GLI4: variants seen among roughly 807,000 people sequenced by gnomAD.
GLI4 encodes the protein zinc finger protein GLI4.
A neutral mutation model predicts 30.9 loss-of-function variants in GLI4; 34 were observed. The ratio of observed to expected loss-of-function variants is 1.10; its 90% CI spans 0.84 to 1.47. The LOEUF (loss-of-function observed/expected upper bound fraction) is 1.47, where lower values mean the gene tolerates loss of function less well. Ranked by LOEUF, GLI4 falls within the 40% of genes most tolerant of loss-of-function variation. The probability of loss-of-function intolerance (pLI) is 0.00; values close to 1 mark genes in which losing one functional copy is unlikely to be tolerated. For missense variants in GLI4, 696 were observed against 538.9 expected (o/e 1.29, Z -2.89); for synonymous variants, 277 against 236.7 (o/e 1.17, Z -1.56).
Position 143,276,431 on chromosome 8 carries a change from A to G in GLI4, c.758A>G (p.His253Arg). ...GGCCGCGCCTTCAGCCACAGCTCGC[A>G]CTTCACGCAGCACCTGCGCATCCAC... ...QCGRAFSHSS[H>R]FTQHLRIHNG... Residue 253 changes from histidine (H) to arginine (R), a missense_variant, in exon 4 of 4, where the codon CAC becomes CGC. Coordinates refer to ENST00000340042, the MANE Select transcript of GLI4 (RefSeq NM_138465.4). 1 of 1,611,970 alleles carries G rather than the reference A, an allele frequency of 6.2e-7. No homozygotes were observed. Among genetic ancestry groups the G allele is most frequent in the Non-Finnish European group, 8.5e-7 (1 of 1,179,548 alleles).
chr8:143,269,523 A>T lies in GLI4; in HGVS notation c.124+3A>T. On this transcript the variant is annotated splice_donor_region_variant and intron_variant, in intron 2 of 3. Transcript: ENST00000340042. ...TCACCTCCATGGGCATCAACATGGT[A>T]CTCACCCAGCCCGCTGTGCGCCCTC... 6.2e-7 allele frequency: 1 copy of T among 1,610,746 alleles called. No individual in the cohort carries two copies.
chr8:143,275,176 C>G, intron 3 of GLI4: 1 of 1,535,822 alleles, frequency 6.5e-7, no homozygotes, highest in Admixed American at 2.0e-5. Context: ...GTGTCCCCTC[C>G]TCCTCCTGCA....
intron 2 of GLI4, among the ~76,000 whole-genome samples, chr8:143,272,648 C>G (rs1815295422): frequency 6.6e-6 from 1 of 152,188 alleles, no homozygotes; most frequent in Admixed American, 6.5e-5. Flanking sequence ...CCTGGCACAG[C>G]CTGGGCACAG....
intron 3 of GLI4, chr8:143,275,248 C>G: frequency 6.6e-6 from 10 of 1,525,062 alleles, no homozygotes; most frequent in Non-Finnish European, 8.8e-6. Context: ...GCACCTCCCC[C>G]TTGAGAAGCT....
In GLI4 at chr8:143,276,859, C is replaced by T. The variant is rs75791923; in HGVS notation, c.*55C>T. ...ACCTGCCCCCAACCCACCCTCCACCCCGTCCCCCACGGTGGGCACTGCCCA... is the reference window on the plus strand; with the variant it reads ...ACCTGCCCCCAACCCACCCTCCACCTCGTCCCCCACGGTGGGCACTGCCCA... On this transcript the variant is annotated 3_prime_UTR_variant, in exon 4 of 4. Coordinates refer to ENST00000340042, the MANE Select transcript of GLI4 (RefSeq NM_138465.4). 2.9e-3 allele frequency: 3,372 copies of T among 1,143,274 alleles called. 138 individuals are homozygous for T. In the East Asian group the frequency reaches 0.076, roughly 26 times the overall value. The allele number at this position is 1,143,274 out of a possible 1,614,324, so 70.8% of individuals were successfully genotyped here. A position where few individuals can be genotyped will look rare whatever the true frequency, so the allele number is the denominator to read the frequency against.
chr8:143,267,619 T>C, intron 1 of GLI4, 135 bp downstream of exon 1: 4 of 985,464 alleles, frequency 4.1e-6, no homozygotes, highest in Non-Finnish European at 4.8e-6. Flanking sequence ...CGCCGTGACC[T>C]TGGCCTTGGG....
chr8:143,276,311 G>A lies in GLI4; in HGVS notation c.638G>A (p.Cys213Tyr), dbSNP rs773782882. The A allele has an allele frequency of 3.7e-6, 6 of 1,611,888 alleles. No homozygotes were observed. In the South Asian group the frequency reaches 4.4e-5, roughly 12 times the overall value. ...CACACGGGCGAGAAGCCCTACGCCT[G>A]CCACGAGTGCGGCAAGCGCTTCCGC... ...RIHTGEKPYA[C>Y]HECGKRFRGW... The change falls in exon 4 of 4, where the codon TGC (cysteine) becomes TAC (tyrosine). Residue 213 changes from cysteine (C) to tyrosine (Y), a missense_variant. Physicochemically the swap from Cys to Tyr is radical, Grantham distance 194 (BLOSUM62 -2). Transcript: ENST00000340042.
rs978039322 is a variant in GLI4 at position 143,276,892 on chromosome 8, A to T, written c.*88A>T. ...CACGGTGGGCACTGCCCAGCACCGCATGCCACGTGTCCGGAATAAATTCTT... is the reference window on the plus strand; with the variant it reads ...CACGGTGGGCACTGCCCAGCACCGCTTGCCACGTGTCCGGAATAAATTCTT... On this transcript the variant is annotated 3_prime_UTR_variant, in exon 4 of 4. Coordinates refer to ENST00000340042, the MANE Select transcript of GLI4 (RefSeq NM_138465.4). The T allele has an allele frequency of 1.3e-6, 1 of 790,922 alleles. No individual in the cohort carries two copies. Among genetic ancestry groups the T allele is most frequent in the Admixed American group, 2.9e-5 (1 of 34,130 alleles). The allele number at this position is 790,922 out of a possible 1,614,324, so 49.0% of individuals were successfully genotyped here. A position where few individuals can be genotyped will look rare whatever the true frequency, so the allele number is the denominator to read the frequency against.
At position 143,269,606 on chromosome 8, in the gene GLI4, T is replaced by A. The variant is rs530477571; in HGVS notation, c.124+86T>A. 5 of 1,170,454 alleles carry A rather than the reference T, an allele frequency of 4.3e-6. No individual in the cohort carries two copies. In the Admixed American group the frequency reaches 5.4e-5, roughly 13 times the overall value. The allele number at this position is 1,170,454 out of a possible 1,614,324, so 72.5% of individuals were successfully genotyped here. A position where few individuals can be genotyped will look rare whatever the true frequency, so the allele number is the denominator to read the frequency against. On this transcript the variant is annotated intron_variant, in intron 2 of 3. Transcript: ENST00000340042. ...CCTGTCTCCTCCTGACCTGCCACGCTGGCTGACTTGAGAGGCGCCTCCAGA... is the reference window on the plus strand; with the variant it reads ...CCTGTCTCCTCCTGACCTGCCACGCAGGCTGACTTGAGAGGCGCCTCCAGA...
At position 143,276,397 on chromosome 8, in the gene GLI4, GGCCAGTGCGGCC is replaced by G; in HGVS notation, c.727_738del (p.Gln243_Arg246del). 1 of 1,608,602 alleles carries G rather than the reference GGCCAGTGCGGCC, an allele frequency of 6.2e-7. No homozygotes were observed. The highest frequency in any genetic ancestry group is 8.5e-7 in the Non-Finnish European group (1 of 1,178,586). ...CACGGGCGAGAAGCCCTACGAGTGC[GGCCAGTGCGGCC>G]GCGCCTTCAGCCACAGCTCGCACTT... On this transcript the variant is annotated inframe_deletion, in exon 4 of 4. Transcript: ENST00000340042.
chr8:143,271,036 C>G (rs1411718697), intron 2 of GLI4, among the ~76,000 whole-genome samples: 2 of 152,134 alleles, frequency 1.3e-5, no homozygotes, highest in African/African-American at 4.8e-5. Flanking sequence ...GAAAGCCAGG[C>G]ATGAGTCCCC....
In GLI4 at chr8:143,276,544, G is replaced by C. The variant is rs776047807; in HGVS notation, c.871G>C (p.Gly291Arg). 3.7e-6 allele frequency: 6 copies of C among 1,612,394 alleles called. No individual in the cohort carries two copies. The African/African-American group carries it at 8.0e-5, about 22-fold the overall frequency. Residue 291 changes from glycine to arginine, a missense_variant, in exon 4 of 4, where the codon GGT becomes CGT. By Grantham distance (125) the Gly-to-Arg change is moderately radical. Transcript: ENST00000340042. Reference protein sequence around the residue: ...NLVRHQRLHTGEKPYACSQCG... With the variant: ...NLVRHQRLHTREKPYACSQCG... ...GGTGCGCCACCAGCGGCTGCACACGGGTGAGAAGCCCTACGCCTGCAGCCA... is the reference window on the plus strand; with the variant it reads ...GGTGCGCCACCAGCGGCTGCACACGCGTGAGAAGCCCTACGCCTGCAGCCA...
rs1480173172 is a variant in GLI4, at chr8:143,269,403, G to A, written c.7G>A (p.Ala3Thr). MAALGDIQESPSV... is the reference protein window; with the variant it reads MATLGDIQESPSV... ...TCAGCAGGTCTCAGGGAAGATGGCA[G>A]CCCTAGGGGACATTCAGGAGTCCCC... The change falls in exon 2 of 4, where the codon GCC (alanine) becomes ACC (threonine). Residue 3 changes from alanine (A) to threonine (T), a missense_variant. Ala to Thr is a moderately conservative substitution (Grantham distance 58). Coordinates refer to ENST00000340042, the MANE Select transcript of GLI4 (RefSeq NM_138465.4). The A allele has an allele frequency of 3.7e-6, 6 of 1,611,550 alleles. No homozygotes were observed. The highest frequency in any genetic ancestry group is 5.1e-6 in the Non-Finnish European group (6 of 1,178,360).
rs201963714 is a variant in GLI4, at chr8:143,269,536, G to A, written c.124+16G>A. The A allele has an allele frequency of 1.4e-5, 22 of 1,606,562 alleles. No homozygotes were observed. The highest frequency in any genetic ancestry group is 6.6e-5 in the South Asian group (6 of 90,954). On this transcript the variant is annotated intron_variant, in intron 2 of 3. Coordinates refer to ENST00000340042, the MANE Select transcript of GLI4 (RefSeq NM_138465.4). ...CATCAACATGGTACTCACCCAGCCC[G>A]CTGTGCGCCCTCCACCCTGCATCCC...
chr8:143,267,527 A>G (rs1815162276), intron 1 of GLI4, 43 bp downstream of exon 1: 2 of 985,948 alleles, frequency 2.0e-6, no homozygotes, highest in Non-Finnish European at 2.4e-6. Context: ...GGTGCCTGGG[A>G]CCAGCCCAGT....
chr8:143,276,173 T>G lies in GLI4; in HGVS notation c.500T>G (p.Val167Gly). The part of the protein sequence containing the change: ...GAPERAAELG[V>G]NFGRSRQGSA... Reference sequence around the variant, plus strand: ...CCCGAGCGGGCTGCCGAGCTGGGAGTCAACTTCGGTCGGAGCCGGCAGGGC... The same window carrying G: ...CCCGAGCGGGCTGCCGAGCTGGGAGGCAACTTCGGTCGGAGCCGGCAGGGC... The change falls in exon 4 of 4, where the codon GTC becomes GGC. Residue 167 changes from valine to glycine, a missense_variant. Val to Gly is a moderately radical substitution (Grantham distance 109). Transcript: ENST00000340042. The G allele has an allele frequency of 6.4e-7, 1 of 1,554,286 alleles. No individual in the cohort carries two copies. Among genetic ancestry groups the G allele is most frequent in the Non-Finnish European group, 8.7e-7 (1 of 1,149,788 alleles).
chr8:143,274,258 G>C (rs1815334670), intron 2 of GLI4, among the ~76,000 whole-genome samples: 1 of 152,230 alleles, frequency 6.6e-6, no homozygotes, highest in African/African-American at 2.4e-5. Flanking sequence ...GGACAGAAAG[G>C]TCTGGGGCCA....
chr8:143,271,201 T>A (rs1815260470), intron 2 of GLI4, among the ~76,000 whole-genome samples: 1 of 152,134 alleles, frequency 6.6e-6, no homozygotes, highest in Admixed American at 6.5e-5. Flanking sequence ...GGAGGACAGA[T>A]GAGCTGGGCC....
intron 1 of GLI4, chr8:143,268,184 C>A: frequency 1.4e-6 from 1 of 708,988 alleles, no homozygotes; most frequent in Non-Finnish European, 1.7e-6. Context: ...TGACCCTTCC[C>A]ATCATTAGGG....
Sources: allele counts gnomAD v4.1 joint callset (sites outside exome capture counted in the v4.1 genomes callset), GRCh38; gene constraint gnomAD v4.1.1; transcripts MANE v1.5; gene names NCBI Gene and HGNC (gene_info 2026-07-23, HGNC 2026-07-21).